Variants in HSD17B12 observed in about 807,000 individuals in gnomAD.
HSD17B12 encodes the protein hydroxysteroid 17-beta dehydrogenase 12, also known as very-long-chain 3-oxoacyl-CoA reductase.
In HSD17B12, 32 loss-of-function variants were observed where a neutral mutation model predicts 39.3. The ratio of observed to expected loss-of-function variants is 0.81; its 90% CI spans 0.61 to 1.09. The LOEUF is 1.09. Ranked by LOEUF, HSD17B12 falls within the 50% of genes least tolerant of loss-of-function variation. The pLI, the probability that HSD17B12 is intolerant of heterozygous loss-of-function variation, is 0.00. For missense variants in HSD17B12, 342 were observed against 382.9 expected (o/e 0.89, Z 0.89); for synonymous variants, 150 against 146.7 (o/e 1.02, Z -0.16).
the HSD17B12 span, among the ~76,000 whole-genome samples, chr11:43,579,784 G>A: frequency 6.6e-6 from 1 of 151,996 alleles, no homozygotes; most frequent in African/African-American, 2.4e-5. Flanking sequence ...ATGGATGGGC[G>A]AAGGGGGTGG....
chr11:43,787,036 G>C (rs911963550), intron 3 of HSD17B12, among the ~76,000 whole-genome samples: 2 of 152,092 alleles, frequency 1.3e-5, no homozygotes, highest in African/African-American at 4.8e-5. Flanking sequence ...CCTCCTCCTG[G>C]GTTCAAGTGA....
At chr11:43,705,641 A>C (rs970881838) in intron 1 of HSD17B12, among the ~76,000 whole-genome samples, 1 of 151,172 alleles carries the variant, frequency 6.6e-6, no homozygotes, top group African/African-American at 2.4e-5. Context: ...TAACTCTGCC[A>C]TTTTTCCATA....
At chr11:43,611,356 T>G in the HSD17B12 span, among the ~76,000 whole-genome samples, 2 of 152,224 alleles carry the variant, frequency 1.3e-5, no homozygotes, top group Non-Finnish European at 1.5e-5. Context: ...ATAGGTAAAT[T>G]TTACCCATCC....
the HSD17B12 span, among the ~76,000 whole-genome samples, chr11:43,607,010 C>G: frequency 6.6e-6 from 1 of 152,126 alleles, no homozygotes; most frequent in African/African-American, 2.4e-5. Context: ...CCAGTAGTCC[C>G]TACTTCAGAT....
intron 4 of HSD17B12, among the ~76,000 whole-genome samples, chr11:43,813,149 T>TAA (rs1951089155): frequency 6.6e-6 from 1 of 152,132 alleles, no homozygotes; most frequent in Non-Finnish European, 1.5e-5. Context: ...CAACTCTCTA[T>TAA]TGTTAATACA....
At chr11:43,758,155 A>G (rs1950527890) in intron 3 of HSD17B12, among the ~76,000 whole-genome samples, 2 of 152,326 alleles carry the variant, frequency 1.3e-5, no homozygotes, top group Non-Finnish European at 1.5e-5. Context: ...ATCTCTGGTA[A>G]GTGAATCATA....
the HSD17B12 span, among the ~76,000 whole-genome samples, chr11:43,588,600 TTATTATTAGC>T: frequency 6.8e-6 from 1 of 146,582 alleles, no homozygotes; most frequent in Admixed American, 6.9e-5. Flanking sequence ...TTAGCTATTA[TTATTATTAGC>T]TATTATTATT....
the HSD17B12 span, chr11:43,670,599 A>T: frequency 6.6e-6 from 1 of 152,208 alleles, no homozygotes; most frequent in Non-Finnish European, 1.5e-5. Flanking sequence ...ATTTTAAAAG[A>T]TAGCAAGGGA....
At chr11:43,582,283 A>G in the HSD17B12 span, among the ~76,000 whole-genome samples, 11 of 152,230 alleles carry the variant, frequency 7.2e-5, no homozygotes, top group Non-Finnish European at 1.5e-4. Context: ...AAGCAGCAGC[A>G]GCAGCAGCAG....
In HSD17B12 at chr11:43,855,126, C is replaced by A. The variant is rs1480186872; in HGVS notation, c.835-18C>A. 6.7e-7 allele frequency: 1 copy of A among 1,502,096 alleles called. No homozygotes were observed. The highest frequency in any genetic ancestry group is 9.2e-7 in the Non-Finnish European group (1 of 1,087,520). 93.0% of individuals were successfully genotyped at this position (1,502,096 alleles called of 1,614,324 possible). ...TTGTAGGCTATAATTACATATCTCT[C>A]TCATTCTGTTTCCCTAGGGCTCGAT... On this transcript the variant is annotated intron_variant, in intron 10 of 10. Coordinates refer to ENST00000278353, the MANE Select transcript of HSD17B12 (RefSeq NM_016142.3).
intron 9 of HSD17B12, among the ~76,000 whole-genome samples, chr11:43,843,692 A>G (rs1009040602): frequency 2.0e-5 from 3 of 151,854 alleles, no homozygotes; most frequent in Non-Finnish European, 2.9e-5. Flanking sequence ...CCTGAACCCT[A>G]TGGCTGCTGT....
At position 43,835,992 on chromosome 11, in the gene HSD17B12, G is replaced by C. The variant is rs115388458; in HGVS notation, c.537-2325G>C. 6.6e-3 allele frequency among the ~76,000 whole-genome samples: 1,005 copies of C among 152,264 alleles called. 17 individuals carry two copies. The highest frequency in any genetic ancestry group is 0.023 in the African/African-American group (943 of 41,562). Reference sequence around the variant, plus strand: ...TTGGTGAGTGAAGTTTTAAGGGTCTGTTTTGATCAGGTCAAGATTTAATTT... The same window carrying C: ...TTGGTGAGTGAAGTTTTAAGGGTCTCTTTTGATCAGGTCAAGATTTAATTT... On this transcript the variant is annotated intron_variant, in intron 7 of 10. Coordinates refer to ENST00000278353, the MANE Select transcript of HSD17B12 (RefSeq NM_016142.3).
At chr11:43,616,302 G>A in the HSD17B12 span, among the ~76,000 whole-genome samples, 3 of 151,510 alleles carry the variant, frequency 2.0e-5, no homozygotes, top group Non-Finnish European at 4.4e-5. Flanking sequence ...CAGCTACTCT[G>A]GAGGCTAAGG....
At chr11:43,654,927 T>C in the HSD17B12 span, among the ~76,000 whole-genome samples, 6 of 152,210 alleles carry the variant, frequency 3.9e-5, no homozygotes, top group Non-Finnish European at 8.8e-5. Context: ...AGTAGTTTTT[T>C]CCAATTCTGT....
chr11:43,703,690 C>A (rs1479930297), intron 1 of HSD17B12, among the ~76,000 whole-genome samples: 1 of 152,080 alleles, frequency 6.6e-6, no homozygotes, highest in Non-Finnish European at 1.5e-5. Context: ...TCTAGATCTT[C>A]CAATTTATTG....
rs190423641 is a variant in HSD17B12 at position 43,705,013 on chromosome 11, G to A, written c.160+24026G>A. On this transcript the variant is annotated intron_variant, in intron 1 of 10. Transcript: ENST00000278353. Reference sequence around the variant, plus strand: ...TCAGTTTCAGCTGAAAGCGTCCTAAGCTACAGATTCAGTAGAAAAGGAGGG... The same window carrying A: ...TCAGTTTCAGCTGAAAGCGTCCTAAACTACAGATTCAGTAGAAAAGGAGGG... Among the ~76,000 whole-genome samples, 14 of 152,270 alleles carry A rather than the reference G, an allele frequency of 9.2e-5. No homozygotes were observed. The East Asian group carries it at 2.3e-3, about 25-fold the overall frequency.
Position 43,750,899 on chromosome 11 carries a change from TCCC to T in HSD17B12, c.161-11_161-9del. ...TTCTTAGACTAAACTATTGCTTTTT[TCCC>T]TTTCCCAGTTGTCACAGGTAGTACT... On this transcript the variant is annotated splice_polypyrimidine_tract_variant and intron_variant, in intron 1 of 10. Coordinates refer to ENST00000278353, the MANE Select transcript of HSD17B12 (RefSeq NM_016142.3). 1 of 1,594,994 alleles carries T rather than the reference TCCC, an allele frequency of 6.3e-7. No homozygotes were observed. The highest frequency in any genetic ancestry group is 1.7e-5 in the Admixed American group (1 of 58,434).
At chr11:43,754,322 C>T (rs1448474054) in intron 3 of HSD17B12, among the ~76,000 whole-genome samples, 2 of 152,206 alleles carry the variant, frequency 1.3e-5, no homozygotes, top group Non-Finnish European at 2.9e-5. Flanking sequence ...CCTGTAATCC[C>T]AGCACTTTGG....
At chr11:43,746,163 C>T (rs145903106) in intron 1 of HSD17B12, among the ~76,000 whole-genome samples, 25 of 152,238 alleles carry the variant, frequency 1.6e-4, no homozygotes, top group Non-Finnish European at 3.1e-4. Flanking sequence ...ACTTTATAAA[C>T]GTTTAATACT....
Sources: allele counts gnomAD v4.1 joint callset (sites outside exome capture counted in the v4.1 genomes callset), GRCh38; gene constraint gnomAD v4.1.1; transcripts MANE v1.5; gene names NCBI Gene and HGNC (gene_info 2026-07-23, HGNC 2026-07-21).